NAALAD2: variants seen among roughly 807,000 people sequenced by gnomAD.
NAALAD2 encodes the protein N-acetylated-alpha-linked acidic dipeptidase 2.
NAALAD2 carries 89 observed loss-of-function variants against 95.6 expected under a neutral mutation model. The ratio of observed to expected loss-of-function variants is 0.93; its 90% CI spans 0.78 to 1.11. NAALAD2 has a LOEUF of 1.11. NAALAD2 is among the 50% of genes least tolerant of loss of function. The probability of loss-of-function intolerance (pLI) is 0.00; values close to 1 mark genes in which losing one functional copy is unlikely to be tolerated. For missense variants in NAALAD2, 894 were observed against 872.4 expected (o/e 1.02, Z -0.31); for synonymous variants, 264 against 294.4 (o/e 0.90, Z 1.06).
At chr11:90,190,226 A>G (rs938679521) in intron 18 of NAALAD2, among the ~76,000 whole-genome samples, 1 of 152,192 alleles carries the variant, frequency 6.6e-6, no homozygotes, top group African/African-American at 2.4e-5. Context: ...CAGTACTTTT[A>G]TCACCATCAT....
chr11:90,173,786 T>G (rs763279664), intron 13 of NAALAD2, 38 bp from the exon 14 acceptor site: 1 of 1,483,688 alleles, frequency 6.7e-7, no homozygotes, highest in South Asian at 1.2e-5. Context: ...TGTAGTTGCT[T>G]CTACCCCTAA....
chr11:90,174,607 A>G (rs1591014749), intron 14 of NAALAD2, among the ~76,000 whole-genome samples: 1 of 152,092 alleles, frequency 6.6e-6, no homozygotes, highest in Non-Finnish European at 1.5e-5. Context: ...AAGGAACATT[A>G]TCAGTAACCA....
rs757009076 is a variant in NAALAD2, at chr11:90,163,416, A to C, written c.1182A>C (p.Lys394Asn). 20 of 1,614,040 alleles carry C rather than the reference A, an allele frequency of 1.2e-5. No individual in the cohort carries two copies. The highest frequency in any genetic ancestry group is 1.7e-5 in the Non-Finnish European group (20 of 1,179,926). The change falls in exon 10 of 19, where the codon AAA (lysine) becomes AAC (asparagine). Residue 394 changes from lysine to asparagine, a missense_variant. By Grantham distance (94) the Lys-to-Asn change is moderately conservative. Transcript: ENST00000534061. ...AAGAAATTGCCCGGAGTTTTGGAAA[A>C]CTGATGAGTAAAGGTAAACAACCTT... ...VLQEIARSFG[K>N]LMSKGWRPRR...
chr11:90,139,321 A>G lies in NAALAD2; in HGVS notation c.194+3651A>G, dbSNP rs116688195. Among the ~76,000 whole-genome samples the G allele has an allele frequency of 4.4e-3, 669 of 152,290 alleles. 7 individuals carry two copies. Among genetic ancestry groups the G allele is most frequent in the African/African-American group, 0.015 (624 of 41,564 alleles). On this transcript the variant is annotated intron_variant, in intron 2 of 18. Transcript: ENST00000534061. Reference sequence around the variant, plus strand: ...AGCTTCATAGATAAGGGCAGTCCTTATCATAAACCCAAGTGCATTTGCACA... The same window carrying G: ...AGCTTCATAGATAAGGGCAGTCCTTGTCATAAACCCAAGTGCATTTGCACA...
At chr11:90,168,662 A>G (rs1321454570) in intron 11 of NAALAD2, among the ~76,000 whole-genome samples, 1 of 152,028 alleles carries the variant, frequency 6.6e-6, no homozygotes, top group Non-Finnish European at 1.5e-5. Context: ...CACTTTGAAA[A>G]TATTTTTTTT....
At chr11:90,170,230 C>A in intron 13 of NAALAD2, 94 bp downstream of exon 13, 2 of 826,724 alleles carry the variant, frequency 2.4e-6, no homozygotes, top group Non-Finnish European at 4.2e-6. Context: ...TATTTTTAAG[C>A]TGGTGAGAGA....
intron 18 of NAALAD2, among the ~76,000 whole-genome samples, chr11:90,187,714 A>G (rs963737116): frequency 2.6e-5 from 4 of 152,340 alleles, no homozygotes; most frequent in East Asian, 3.9e-4. Flanking sequence ...TTCAGTACGT[A>G]TAATGGATCA....
chr11:90,158,491 A>G (rs1337577212), intron 7 of NAALAD2: 1 of 332,044 alleles, frequency 3.0e-6, no homozygotes, highest in African/African-American at 2.2e-5. Flanking sequence ...GTCCTAAGAT[A>G]ATTCTGATTT....
intron 11 of NAALAD2, among the ~76,000 whole-genome samples, chr11:90,167,822 G>A (rs1227461729): frequency 1.3e-5 from 2 of 151,998 alleles, no homozygotes; most frequent in South Asian, 2.1e-4. Context: ...GATTGTAAAC[G>A]CACCTATCAG....
At chr11:90,155,583 GTAATATATATGTAA>G in intron 6 of NAALAD2, among the ~76,000 whole-genome samples, 1 of 72,714 alleles carries the variant, frequency 1.4e-5, no homozygotes, top group Non-Finnish European at 2.2e-5. Context: ...TAATATATAT[GTAATATATATGTAA>G]TAATATATAT....
chr11:90,158,814 T>A (rs1043355847), intron 7 of NAALAD2: 16 of 190,928 alleles, frequency 8.4e-5, no homozygotes, highest in Non-Finnish European at 1.5e-4. Flanking sequence ...AATGCCTGTA[T>A]GTGTATTACA....
At chr11:90,179,892 A>C (rs1371110856) in intron 16 of NAALAD2, among the ~76,000 whole-genome samples, 1 of 152,116 alleles carries the variant, frequency 6.6e-6, no homozygotes, top group Non-Finnish European at 1.5e-5. Flanking sequence ...TTCAAAAATC[A>C]CCATTACTAT....
chr11:90,138,725 CTTTTTTTTTTTTTT>C lies in NAALAD2; in HGVS notation c.194+3076_194+3089del, dbSNP rs562496549. Among the ~76,000 whole-genome samples, 43 of 61,520 alleles carry C rather than the reference CTTTTTTTTTTTTTT, an allele frequency of 7.0e-4. 1 individual carries two copies. The highest frequency in any genetic ancestry group is 9.6e-4 in the Non-Finnish European group (30 of 31,322). The allele number at this position is 61,520 out of a possible 152,430, so 40.4% of individuals were successfully genotyped here. On this transcript the variant is annotated intron_variant, in intron 2 of 18. Transcript: ENST00000534061. Reference sequence around the variant, plus strand: ...TATCATGAAACCCTTCATCCCTCAACTTTTTTTTTTTTTTTTTTTTTTTTTTTTTTTTTTGCCAT... The same window carrying C: ...TATCATGAAACCCTTCATCCCTCAACTTTTTTTTTTTTTTTTTTTTGCCAT...
At chr11:90,190,323 T>C (rs1385283331) in intron 18 of NAALAD2, among the ~76,000 whole-genome samples, 1 of 152,152 alleles carries the variant, frequency 6.6e-6, no homozygotes, top group Non-Finnish European at 1.5e-5. Flanking sequence ...ATAGTAAATA[T>C]GCTAGTATTC....
intron 14 of NAALAD2, among the ~76,000 whole-genome samples, chr11:90,174,150 G>A (rs185519402): frequency 3.7e-4 from 56 of 152,172 alleles, no homozygotes; most frequent in Admixed American, 3.2e-3. Flanking sequence ...TGGCCAACAC[G>A]GCGAAACCCT....
At position 90,177,839 on chromosome 11, in the gene NAALAD2, CA is replaced by C. The variant is rs761829700; in HGVS notation, c.1594-13del. ...TAATGTTTATTTATACTTGCCTCTCCATTTTTTTTTCAGAAAACAGATAAGT... is the reference window on the plus strand; with the variant it reads ...TAATGTTTATTTATACTTGCCTCTCCTTTTTTTTTCAGAAAACAGATAAGT... On this transcript the variant is annotated splice_polypyrimidine_tract_variant and intron_variant, in intron 15 of 18. Transcript: ENST00000534061. 1 of 1,586,028 alleles carries C rather than the reference CA, an allele frequency of 6.3e-7. No individual in the cohort carries two copies. The highest frequency in any genetic ancestry group is 8.6e-7 in the Non-Finnish European group (1 of 1,167,042).
rs532291122 is a variant in NAALAD2, at chr11:90,190,257, G to A, written c.2034-1301G>A. ...ATCATTTTTAAGATAACAGGCACAGGGAGGTTAAATAACCAGTGCAAGGCC... is the reference window on the plus strand; with the variant it reads ...ATCATTTTTAAGATAACAGGCACAGAGAGGTTAAATAACCAGTGCAAGGCC... On this transcript the variant is annotated intron_variant, in intron 18 of 18. Coordinates refer to ENST00000534061, the MANE Select transcript of NAALAD2 (RefSeq NM_005467.4). 2.6e-5 allele frequency among the ~76,000 whole-genome samples: 4 copies of A among 152,224 alleles called. No individual in the cohort carries two copies. The South Asian group carries it at 8.3e-4, about 32-fold the overall frequency.
rs1565530786 is a variant in NAALAD2, at chr11:90,163,368, A to C, written c.1134A>C (p.Pro378=). The C allele has an allele frequency of 1.2e-6, 2 of 1,614,102 alleles. No individual in the cohort carries two copies. The highest frequency in any genetic ancestry group is 1.6e-4 in the Middle Eastern group (1 of 6,062). Residue 378 remains proline (P), a synonymous_variant, in exon 10 of 19, where the codon CCA becomes CCC. Transcript: ENST00000534061. Reference sequence around the variant, plus strand: ...CCTGGGTATTTGGAGCTATTGACCCAACCAGTGGGGTTGCTGTTTTGCAAG... The same window carrying C: ...CCTGGGTATTTGGAGCTATTGACCCCACCAGTGGGGTTGCTGTTTTGCAAG... ...RDSWVFGAID[P]TSGVAVLQEI...
At chr11:90,142,585 C>T (rs1951646546) in intron 2 of NAALAD2, among the ~76,000 whole-genome samples, 3 of 152,072 alleles carry the variant, frequency 2.0e-5, no homozygotes, top group African/African-American at 7.2e-5. Flanking sequence ...TTGTCATTTG[C>T]TGTTTTATCC....
Sources: allele counts gnomAD v4.1 joint callset (sites outside exome capture counted in the v4.1 genomes callset), GRCh38; gene constraint gnomAD v4.1.1; transcripts MANE v1.5; gene names NCBI Gene and HGNC (gene_info 2026-07-23, HGNC 2026-07-21).